The following DYNC2H1 variants were observed in gnomAD, a reference collection of about 807,000 sequenced individuals.
The protein encoded by DYNC2H1 is dynein cytoplasmic 2 heavy chain 1, also known as cytoplasmic dynein 2 heavy chain 1.
A neutral mutation model predicts 570.0 loss-of-function variants in DYNC2H1; 410 were observed. The observed-to-expected ratio is 0.72, with a 90% CI of 0.66 to 0.78. DYNC2H1 has a LOEUF of 0.78. DYNC2H1 is among the 30% of genes least tolerant of loss of function. The pLI, the probability that DYNC2H1 is intolerant of heterozygous loss-of-function variation, is 0.00. For missense variants in DYNC2H1, 4,865 were observed against 5,046.4 expected, an observed-to-expected ratio of 0.96 and a Z score of 1.09; for synonymous variants, 1,688 against 1,677.6, an observed-to-expected ratio of 1.01 and a Z score of -0.15.
At chr11:103,162,944 T>C in intron 29 of DYNC2H1, 84 bp from the exon 30 acceptor site, 1 of 1,236,070 alleles carries the variant, frequency 8.1e-7, no homozygotes, top group Non-Finnish European at 1.1e-6. Context: ...GTTAGTAGAT[T>C]GTATATTTAT....
In DYNC2H1 at chr11:103,228,906, T is replaced by A. The variant is rs755859177; in HGVS notation, c.9354-2354T>A. The stretch of plus-strand genomic sequence containing the variant: ...CAGCCTCTCCTTTGGTGGGGCTTGT[T>A]GTGGCTGCTGTGGGGGAGGGGGGTG... On this transcript the variant is annotated intron_variant, in intron 59 of 88. Coordinates refer to ENST00000375735, the MANE Select transcript of DYNC2H1 (RefSeq NM_001377.3). The surrounding 1 kb of genome is among the most constrained non-coding windows in gnomAD (Gnocchi z 6.1). Among the ~76,000 whole-genome samples the A allele has an allele frequency of 4.6e-5, 7 of 152,102 alleles. No individual in the cohort carries two copies. The highest frequency in any genetic ancestry group is 8.8e-5 in the Non-Finnish European group (6 of 68,016).
At chr11:103,226,178 G>A (rs1044096451) in intron 59 of DYNC2H1, among the ~76,000 whole-genome samples, 3 of 152,064 alleles carry the variant, frequency 2.0e-5, no homozygotes, top group Non-Finnish European at 2.9e-5. Flanking sequence ...TTTAGCTTCC[G>A]CTTTACCAAT....
chr11:103,272,566 G>A (rs900282564), intron 70 of DYNC2H1, among the ~76,000 whole-genome samples: 7 of 152,204 alleles, frequency 4.6e-5, no homozygotes, highest in Admixed American at 3.3e-4. Context: ...AGAACTTAAA[G>A]TATAATTAAA....
At chr11:103,258,611 C>T (rs2135269958) in intron 69 of DYNC2H1, among the ~76,000 whole-genome samples, 1 of 152,272 alleles carries the variant, frequency 6.6e-6, no homozygotes, top group South Asian at 2.1e-4. Context: ...ACTGCAGCAC[C>T]TCTGCAGGAG....
intron 79 of DYNC2H1, 27 bp from the exon 80 acceptor site, chr11:103,316,518 T>G (rs1937851878): frequency 6.7e-7 from 1 of 1,499,414 alleles, no homozygotes; most frequent in Non-Finnish European, 9.0e-7. Context: ...GCTTAGTTGT[T>G]TACTTAAAAA....
chr11:103,247,726 G>A (rs977279558), intron 65 of DYNC2H1, among the ~76,000 whole-genome samples: 2 of 152,128 alleles, frequency 1.3e-5, no homozygotes, highest in South Asian at 4.1e-4. Flanking sequence ...ATTTTAGTTG[G>A]TCTCAGAGTG....
intron 87 of DYNC2H1, among the ~76,000 whole-genome samples, chr11:103,459,642 A>G (rs1167358615): frequency 6.6e-6 from 1 of 152,108 alleles, no homozygotes; most frequent in African/African-American, 2.4e-5. Flanking sequence ...ATAGACTGCC[A>G]TAAAATTCTC....
intron 82 of DYNC2H1, among the ~76,000 whole-genome samples, chr11:103,342,296 G>A (rs141533291): frequency 6.6e-6 from 1 of 152,150 alleles, no homozygotes; most frequent in African/African-American, 2.4e-5. Flanking sequence ...CCTGTAAAAT[G>A]GACCAATCAG....
chr11:103,165,734 T>C (rs1861278552), intron 30 of DYNC2H1, among the ~76,000 whole-genome samples, 164 bp from the exon 31 acceptor site: 1 of 152,176 alleles, frequency 6.6e-6, no homozygotes, highest in African/African-American at 2.4e-5. Flanking sequence ...ATACTTTTTC[T>C]ACTACTATAT....
intron 10 of DYNC2H1, among the ~76,000 whole-genome samples, 183 bp from the exon 11 acceptor site, chr11:103,122,642 T>C (rs1858778137): frequency 6.6e-6 from 1 of 152,260 alleles, no homozygotes; most frequent in Non-Finnish European, 1.5e-5. Flanking sequence ...TCTGCGGCTG[T>C]ATAATTCAGA....
At chr11:103,394,097 G>T (rs1942290418) in intron 83 of DYNC2H1, among the ~76,000 whole-genome samples, 1 of 152,058 alleles carries the variant, frequency 6.6e-6, no homozygotes. Flanking sequence ...AGTTTCCTGT[G>T]TTTTTGCCCT....
chr11:103,170,030 T>C lies in DYNC2H1; in HGVS notation c.4969-78T>C. On this transcript the variant is annotated intron_variant, in intron 32 of 88. Coordinates refer to ENST00000375735, the MANE Select transcript of DYNC2H1 (RefSeq NM_001377.3). This position sits in a 1 kb window ranked among gnomAD's most constrained non-coding sequence, Gnocchi z 4.8. ...TTTGTTGCATTTTTATCTTTTTAAC[T>C]ACAATCTCATGCTGTAAAAATATTT... The C allele has an allele frequency of 7.7e-7, 1 of 1,292,820 alleles. No individual in the cohort carries two copies. The highest frequency in any genetic ancestry group is 1.0e-6 in the Non-Finnish European group (1 of 973,928). The allele number at this position is 1,292,820 out of a possible 1,614,324, so 80.1% of individuals were successfully genotyped here.
At chr11:103,361,337 T>G (rs1004638762) in intron 83 of DYNC2H1, among the ~76,000 whole-genome samples, 5 of 152,186 alleles carry the variant, frequency 3.3e-5, no homozygotes, top group Non-Finnish European at 5.9e-5. Flanking sequence ...CTGCCATCTG[T>G]GAATCAGGAA....
chr11:103,435,549 G>C lies in DYNC2H1; in HGVS notation c.12367-394G>C, dbSNP rs525163. Among the ~76,000 whole-genome samples the C allele has an allele frequency of 6.6e-3, 998 of 152,108 alleles. 13 individuals are homozygous for C. Among genetic ancestry groups the C allele is most frequent in the African/African-American group, 0.023 (957 of 41,524 alleles). On this transcript the variant is annotated intron_variant, in intron 84 of 88. Transcript: ENST00000375735. ...TGTCTCCATGTGGTTGGGGAATAAA[G>C]TTTCCATTATACTGCTCTATTTATA...
Position 103,239,758 on chromosome 11 carries a change from T to C in DYNC2H1, c.9819+3219T>C, listed in dbSNP as rs1864357339. ...TTAGGCTTTAGTTTTATTTATAAAA[T>C]GTTTTTGCATTTGTCCCATTTATAA... is the stretch of plus-strand genomic sequence containing the variant. On this transcript the variant is annotated intron_variant, in intron 63 of 88. Transcript: ENST00000375735. The surrounding 1 kb of genome is among the most constrained non-coding windows in gnomAD (Gnocchi z 4.3). 6.6e-6 allele frequency among the ~76,000 whole-genome samples: 1 copy of C among 152,110 alleles called. No individual in the cohort carries two copies. The highest frequency in any genetic ancestry group is 1.5e-5 in the Non-Finnish European group (1 of 68,024).
rs1457937931 is a variant in DYNC2H1 at position 103,154,705 on chromosome 11, T to C, written c.3469T>C (p.Tyr1157His). Reference sequence around the variant, plus strand: ...TTTGGTATTTTATAGGACTAAGACATACCTGTTTGAGGAATTTTTGATGAA... The same window carrying C: ...TTTGGTATTTTATAGGACTAAGACACACCTGTTTGAGGAATTTTTGATGAA... ...EDWITFRTKT[Y>H]LFEEFLMNWH... Residue 1157 changes from tyrosine to histidine, a missense_variant, in exon 24 of 89, where the codon TAC (tyrosine) becomes CAC (histidine). Around this residue, in one of 5 missense-constraint regions of DYNC2H1, gnomAD observed 1,936 missense variants for 1,962.1 expected, o/e 0.99. Coordinates refer to ENST00000375735, the MANE Select transcript of DYNC2H1 (RefSeq NM_001377.3). The C allele has an allele frequency of 1.1e-5, 18 of 1,568,932 alleles. No individual in the cohort carries two copies. Among genetic ancestry groups the C allele is most frequent in the South Asian group, 8.3e-5 (7 of 83,930 alleles).
chr11:103,381,949 A>T (rs2135580965), intron 83 of DYNC2H1, among the ~76,000 whole-genome samples: 1 of 152,316 alleles, frequency 6.6e-6, no homozygotes, highest in Admixed American at 6.5e-5. Context: ...TTTTCCTGGT[A>T]TTCTGAAAAA....
chr11:103,407,988 A>G (rs1057109379), intron 84 of DYNC2H1: 5 of 152,120 alleles, frequency 3.3e-5, no homozygotes, highest in Admixed American at 2.6e-4. Context: ...CTCATAATGC[A>G]CTGATTCGTA....
chr11:103,156,704 C>T lies in DYNC2H1; in HGVS notation c.4061C>T (p.Pro1354Leu). Residue 1354 changes from proline to leucine, a missense_variant, in exon 26 of 89, where the codon CCC (proline) becomes CTC (leucine). This residue lies in a region of DYNC2H1 where 1,936 missense variants were observed against 1,962.1 expected (regional missense o/e 0.99). Coordinates refer to ENST00000375735, the MANE Select transcript of DYNC2H1 (RefSeq NM_001377.3). ...CAGAGAAAGTGGGTGTATTTGGAAC[C>T]CATTTTCGGCCGTGGAGCATTGCCA... is the stretch of plus-strand genomic sequence containing the variant. ...HIQRKWVYLE[P>L]IFGRGALPKE... The T allele has an allele frequency of 6.2e-7, 1 of 1,613,118 alleles. No homozygotes were observed. Among genetic ancestry groups the T allele is most frequent in the Non-Finnish European group, 8.5e-7 (1 of 1,179,618 alleles).
Sources: allele counts gnomAD v4.1 joint callset (sites outside exome capture counted in the v4.1 genomes callset), GRCh38; gene constraint gnomAD v4.1.1; regional missense constraint gnomAD v4.1.1; non-coding constraint Gnocchi (gnomAD v3.1); transcripts MANE v1.5; gene names NCBI Gene and HGNC (gene_info 2026-07-23, HGNC 2026-07-21).